DCC: variants seen among roughly 807,000 people sequenced by gnomAD.
The protein encoded by DCC is DCC netrin 1 receptor.
Under a neutral mutation model 172.5 loss-of-function variants are expected in DCC, and 58 were observed. The ratio of observed to expected loss-of-function variants is 0.34; its 90% CI spans 0.27 to 0.42. The LOEUF is 0.42. Among genes scored for constraint, DCC ranks in the 10% least tolerant of loss-of-function variants. The pLI is 1.00. For synonymous variants in DCC, 709 were observed against 644.5 expected (o/e 1.10, Z -1.52); for missense variants, 1,740 against 1,791.0 (o/e 0.97, Z 0.51).
chr18:53,204,796 T>A (rs182696239), intron 9 of DCC, among the ~76,000 whole-genome samples: 1 of 152,308 alleles, frequency 6.6e-6, no homozygotes, highest in Admixed American at 6.5e-5. Flanking sequence ...ATTTTAATTA[T>A]AAGTAGAACC....
In DCC at chr18:53,160,704, G is replaced by A. The variant is rs112653601; in HGVS notation, c.1418+3192G>A. Among the ~76,000 whole-genome samples the A allele has an allele frequency of 9.7e-3, 1,483 of 152,146 alleles. 33 individuals carry two copies. The highest frequency in any genetic ancestry group is 0.033 in the African/African-American group (1,375 of 41,498). On this transcript the variant is annotated intron_variant, in intron 8 of 28. Transcript: ENST00000442544. ...TTATCAGGCAGTCTCTCTCACATAC[G>A]CTCCTAATGATATTTCATGACTTTT... is the stretch of plus-strand genomic sequence containing the variant.
chr18:53,170,184 G>C (rs142459656), intron 8 of DCC, among the ~76,000 whole-genome samples: 2 of 152,156 alleles, frequency 1.3e-5, no homozygotes. Flanking sequence ...AAGCCACGCA[G>C]CAGTTTGGCA....
At chr18:52,518,916 G>A (rs971357268) in intron 1 of DCC, among the ~76,000 whole-genome samples, 1 of 152,188 alleles carries the variant, frequency 6.6e-6, no homozygotes, top group Non-Finnish European at 1.5e-5. Context: ...TTAATCACCT[G>A]TCTAAGCATT....
intron 7 of DCC, among the ~76,000 whole-genome samples, chr18:53,111,919 C>T (rs2043338747): frequency 6.6e-6 from 1 of 151,610 alleles, no homozygotes; most frequent in Admixed American, 6.6e-5. Context: ...CATTGTCTCA[C>T]TGATCTACCA....
chr18:52,377,307 A>G (rs1452268315), intron 1 of DCC, among the ~76,000 whole-genome samples: 1 of 152,190 alleles, frequency 6.6e-6, no homozygotes. Context: ...ACTTAGAAGC[A>G]TGGCCAGTTG....
At chr18:52,676,157 C>A (rs1327085134) in intron 1 of DCC, among the ~76,000 whole-genome samples, 1 of 152,128 alleles carries the variant, frequency 6.6e-6, no homozygotes, top group Non-Finnish European at 1.5e-5. Context: ...AGGAAGACTC[C>A]ACAGAGGCGG....
intron 5 of DCC, among the ~76,000 whole-genome samples, chr18:52,971,659 G>A (rs1316019292): frequency 6.6e-6 from 1 of 152,010 alleles, no homozygotes; most frequent in Non-Finnish European, 1.5e-5. Context: ...GTTTTCAATG[G>A]TTAATTCTTC....
At chr18:52,345,818 T>C (rs1868455875) in intron 1 of DCC, among the ~76,000 whole-genome samples, 1 of 152,178 alleles carries the variant, frequency 6.6e-6, no homozygotes, top group African/African-American at 2.4e-5. Flanking sequence ...TAAAAGCAGC[T>C]AAATAGTGTT....
At chr18:52,920,509 T>C (rs960349779) in intron 3 of DCC, among the ~76,000 whole-genome samples, 3 of 152,018 alleles carry the variant, frequency 2.0e-5, no homozygotes, top group African/African-American at 7.2e-5. Flanking sequence ...ACACGTGTAT[T>C]AGAATGGCTA....
chr18:53,352,735 T>A (rs950557742), intron 15 of DCC, among the ~76,000 whole-genome samples: 22 of 152,162 alleles, frequency 1.4e-4, no homozygotes, highest in African/African-American at 5.3e-4. Context: ...TGAATATAGA[T>A]CTGGTTTAGT....
chr18:52,596,094 C>T (rs754472135), intron 1 of DCC, among the ~76,000 whole-genome samples: 11 of 152,188 alleles, frequency 7.2e-5, no homozygotes, highest in South Asian at 2.1e-4. Context: ...ATTTAGATTA[C>T]TCAGCACTTA....
intron 1 of DCC, among the ~76,000 whole-genome samples, chr18:52,687,092 C>T (rs954635036): frequency 1.3e-5 from 2 of 152,050 alleles, no homozygotes; most frequent in Non-Finnish European, 2.9e-5. Flanking sequence ...CATCTCCTGA[C>T]CCTCCCCCAT....
rs1988224683 is a variant in DCC, at chr18:52,449,230, A to C, written c.91+108352A>C. On this transcript the variant is annotated intron_variant, in intron 1 of 28. Transcript: ENST00000442544. Reference sequence around the variant, plus strand: ...TGACCCCATGATTCAATTACCTCCCACTGTGTCCCTCCCACAACATGTGAG... The same window carrying C: ...TGACCCCATGATTCAATTACCTCCCCCTGTGTCCCTCCCACAACATGTGAG... Among the ~76,000 whole-genome samples, 2 of 152,288 alleles carry C rather than the reference A, an allele frequency of 1.3e-5. 1 individual carries two copies. The highest frequency in any genetic ancestry group is 6.8e-3 in the Middle Eastern group (2 of 294).
chr18:52,949,653 C>T (rs2040603956), intron 5 of DCC, among the ~76,000 whole-genome samples: 1 of 152,172 alleles, frequency 6.6e-6, no homozygotes, highest in Non-Finnish European at 1.5e-5. Context: ...GAGATGACTG[C>T]TTTCCTCTTG....
chr18:53,482,343 G>T (rs1047062560), intron 25 of DCC, among the ~76,000 whole-genome samples: 1 of 152,002 alleles, frequency 6.6e-6, no homozygotes, highest in East Asian at 1.9e-4. Flanking sequence ...TATTATTTTT[G>T]AAAGAAGGTT....
intron 5 of DCC, among the ~76,000 whole-genome samples, chr18:52,954,873 GC>G (rs1469841175): frequency 6.6e-6 from 1 of 152,100 alleles, no homozygotes; most frequent in Non-Finnish European, 1.5e-5. Flanking sequence ...ATGTCTGTAT[GC>G]TTTAAATATT....
intron 5 of DCC, among the ~76,000 whole-genome samples, chr18:52,935,166 G>T (rs867352741): frequency 1.3e-4 from 20 of 150,446 alleles, no homozygotes; most frequent in Middle Eastern, 3.6e-3. Context: ...TAGATTTCTA[G>T]GAGTGTAAAA....
At chr18:52,964,986 ACTT>A (rs1351300286) in intron 5 of DCC, 1 of 152,012 alleles carries the variant, frequency 6.6e-6, no homozygotes, top group Non-Finnish European at 1.5e-5. Flanking sequence ...TTCTGTTTCT[ACTT>A]CTTCACTCTC....
chr18:52,492,311 T>C lies in DCC; in HGVS notation c.91+151433T>C, dbSNP rs560316888. Among the ~76,000 whole-genome samples the C allele has an allele frequency of 3.3e-5, 5 of 152,028 alleles. No homozygotes were observed. In the South Asian group the frequency reaches 1.0e-3, roughly 32 times the overall value. On this transcript the variant is annotated intron_variant, in intron 1 of 28. Coordinates refer to ENST00000442544, the MANE Select transcript of DCC (RefSeq NM_005215.4). ...GTCACAACTGGAGATAGATGTAGAA[T>C]TAAAATAGTTATTTTAAGAAAACCA... is the stretch of plus-strand genomic sequence containing the variant.
Sources: gnomAD v4.1 joint callset for allele counts (sites outside exome capture counted in the v4.1 genomes callset) on GRCh38, gnomAD v4.1.1 for gene constraint, MANE v1.5 for transcripts, NCBI Gene and HGNC (gene_info 2026-07-23, HGNC 2026-07-21) for gene names.